NRG3: variants seen among roughly 807,000 people sequenced by gnomAD.
NRG3 encodes neuregulin 3.
NRG3 carries 31 observed loss-of-function variants against 66.9 expected under a neutral mutation model. The observed-to-expected ratio is 0.46, with a 90% CI of 0.35 to 0.63. The LOEUF is 0.63. Among genes scored for constraint, NRG3 ranks in the 20% least tolerant of loss-of-function variants. NRG3 has a pLI of 0.00. For missense variants in NRG3, 910 were observed against 878.9 expected, an observed-to-expected ratio of 1.04 and a Z score of -0.45; for synonymous variants, 393 against 359.4, an observed-to-expected ratio of 1.09 and a Z score of -1.06.
chr10:82,917,974 A>G (rs200095037), intron 4 of NRG3, among the ~76,000 whole-genome samples: 8,768 of 119,700 alleles, frequency 0.073, 380 homozygotes, highest in Non-Finnish European at 0.097. Flanking sequence ...GTGTGTGTAT[A>G]TATATATATA....
At chr10:82,228,092 CTG>C (rs1451491305) in intron 1 of NRG3, among the ~76,000 whole-genome samples, 16 of 152,264 alleles carry the variant, frequency 1.1e-4, no homozygotes, top group Admixed American at 4.6e-4. Flanking sequence ...CCTCACATAA[CTG>C]TAGGAAAAGG....
chr10:82,428,923 C>T (rs745535256), intron 2 of NRG3, among the ~76,000 whole-genome samples: 62 of 151,782 alleles, frequency 4.1e-4, no homozygotes, highest in Non-Finnish European at 6.8e-4. Flanking sequence ...TAATAATTAA[C>T]GTATATTACT....
At chr10:82,391,807 G>C (rs1564870813) in intron 2 of NRG3, among the ~76,000 whole-genome samples, 1 of 151,838 alleles carries the variant, frequency 6.6e-6, no homozygotes, top group Admixed American at 6.6e-5. Context: ...AGTTGAAATA[G>C]ACCTTACATA....
intron 1 of NRG3, among the ~76,000 whole-genome samples, chr10:82,198,399 G>A (rs1449659191): frequency 6.6e-6 from 1 of 152,114 alleles, no homozygotes; most frequent in African/African-American, 2.4e-5. Context: ...ATATTGCTTG[G>A]CTGTCTTATT....
intron 3 of NRG3, among the ~76,000 whole-genome samples, chr10:82,797,513 GT>G (rs1017319285): frequency 1.3e-5 from 2 of 151,832 alleles, no homozygotes; most frequent in East Asian, 1.9e-4. Context: ...GGAAAACAAT[GT>G]TTTTTTTCTG....
intron 2 of NRG3, among the ~76,000 whole-genome samples, chr10:82,717,010 T>C (rs955648043): frequency 6.6e-6 from 1 of 152,196 alleles, no homozygotes; most frequent in African/African-American, 2.4e-5. Flanking sequence ...TGTATAGTCT[T>C]TCATTGGAAC....
intron 4 of NRG3, among the ~76,000 whole-genome samples, chr10:82,874,493 A>G (rs541324595): frequency 6.6e-6 from 1 of 152,010 alleles, no homozygotes; most frequent in Non-Finnish European, 1.5e-5. Context: ...TGTATAGAAT[A>G]AAATGGTAAT....
At chr10:82,518,706 A>T (rs932893306) in intron 2 of NRG3, among the ~76,000 whole-genome samples, 2 of 152,160 alleles carry the variant, frequency 1.3e-5, no homozygotes, top group Non-Finnish European at 2.9e-5. Flanking sequence ...AGCTGGTGAC[A>T]GGGCCATTAA....
intron 2 of NRG3, among the ~76,000 whole-genome samples, chr10:82,543,500 C>T (rs1428521254): frequency 6.6e-6 from 1 of 152,086 alleles, no homozygotes; most frequent in Non-Finnish European, 1.5e-5. Flanking sequence ...TATCCATCTC[C>T]TATTAAAGAA....
intron 1 of NRG3, among the ~76,000 whole-genome samples, chr10:82,330,122 A>G (rs2082071808): frequency 6.6e-6 from 1 of 152,210 alleles, no homozygotes; most frequent in Admixed American, 6.5e-5. Flanking sequence ...ACTTAATAAG[A>G]AGGCTCAGTG....
chr10:81,882,337 A>G (rs889021677), intron 1 of NRG3, among the ~76,000 whole-genome samples: 3 of 152,180 alleles, frequency 2.0e-5, no homozygotes, highest in Admixed American at 6.5e-5. Context: ...AGGTAACAGT[A>G]TTAGAAATGA....
At chr10:82,840,450 G>T (rs1274150985) in intron 3 of NRG3, among the ~76,000 whole-genome samples, 1 of 151,978 alleles carries the variant, frequency 6.6e-6, no homozygotes, top group Non-Finnish European at 1.5e-5. Context: ...TCTCTGAAAG[G>T]TGGATTCTGA....
intron 2 of NRG3, among the ~76,000 whole-genome samples, chr10:82,712,779 T>C (rs1040469258): frequency 2.0e-5 from 3 of 151,966 alleles, no homozygotes; most frequent in African/African-American, 7.3e-5. Flanking sequence ...ACGTGGAACA[T>C]GAGAATATTA....
Position 82,731,732 on chromosome 10 carries a change from C to T in NRG3, c.954-6845C>T, listed in dbSNP as rs534645832. ...CTATTGTGAATAGTGTTGATATAAGCGTAGGAATGTAAATATCTCTTCCAC... is the reference window on the plus strand; with the variant it reads ...CTATTGTGAATAGTGTTGATATAAGTGTAGGAATGTAAATATCTCTTCCAC... On this transcript the variant is annotated intron_variant, in intron 2 of 8. Transcript: ENST00000372141. 6.8e-4 allele frequency among the ~76,000 whole-genome samples: 104 copies of T among 152,178 alleles called. 1 individual carries two copies. The highest frequency in any genetic ancestry group is 2.4e-3 in the African/African-American group (100 of 41,510).
intron 4 of NRG3, among the ~76,000 whole-genome samples, chr10:82,867,586 G>A: frequency 6.6e-6 from 1 of 152,158 alleles, no homozygotes; most frequent in East Asian, 1.9e-4. Flanking sequence ...TGTTGAAAGT[G>A]AGAAAATAAA....
At chr10:82,166,029 T>C (rs1037674906) in intron 1 of NRG3, among the ~76,000 whole-genome samples, 4 of 151,874 alleles carry the variant, frequency 2.6e-5, no homozygotes, top group African/African-American at 7.2e-5. Flanking sequence ...AATTTATTAT[T>C]AATTTTTTTT....
chr10:82,231,239 A>G (rs1207662223), intron 1 of NRG3, among the ~76,000 whole-genome samples: 1 of 152,156 alleles, frequency 6.6e-6, no homozygotes, highest in East Asian at 1.9e-4. Flanking sequence ...TCTGTTCGGG[A>G]GGCTGAGGCA....
chr10:82,598,230 TTC>T (rs1254072222), intron 2 of NRG3, among the ~76,000 whole-genome samples: 27 of 152,234 alleles, frequency 1.8e-4, no homozygotes, highest in Admixed American at 5.2e-4. Context: ...CTTCAAATAT[TTC>T]TCTTTCATGT....
intron 4 of NRG3, among the ~76,000 whole-genome samples, chr10:82,915,805 A>G (rs570228009): frequency 3.3e-5 from 5 of 152,344 alleles, no homozygotes; most frequent in African/African-American, 9.6e-5. Context: ...AAAAATTCAG[A>G]TGATAATTTT....
Sources: allele counts gnomAD v4.1 joint callset (sites outside exome capture counted in the v4.1 genomes callset), GRCh38; gene constraint gnomAD v4.1.1; transcripts MANE v1.5; gene names NCBI Gene and HGNC (gene_info 2026-07-23, HGNC 2026-07-21).